The following EYS variants were observed in gnomAD, a reference collection of about 807,000 sequenced individuals.
The protein encoded by EYS is EGF-like photoreceptor maintenance factor.
Under a neutral mutation model 282.1 loss-of-function variants are expected in EYS, and 250 were observed. That is an observed-to-expected ratio of 0.89 (90% confidence interval 0.80 to 0.98). EYS has a LOEUF of 0.98. Ranked by LOEUF, EYS falls within the 50% of genes least tolerant of loss-of-function variation. EYS has a pLI of 0.00. For synonymous variants in EYS, 1,355 were observed against 1,282.9 expected (o/e 1.06, Z -1.20); for missense variants, 4,016 against 3,709.0 (o/e 1.08, Z -2.15).
chr6:63,831,691 G>A (rs1771643280), intron 36 of EYS, among the ~76,000 whole-genome samples: 1 of 152,126 alleles, frequency 6.6e-6, no homozygotes, highest in South Asian at 2.1e-4. Context: ...TCCAGGTATT[G>A]AACTCAGCTC....
Position 63,844,866 on chromosome 6 carries a change from A to G in EYS, c.7228+19320T>C, listed in dbSNP as rs563667740. ...TGTGCAGAAGCTGTTTAATGTAATTATGTCCCATTTGTCAATTTTTGCTTT... is the reference window on the plus strand; with the variant it reads ...TGTGCAGAAGCTGTTTAATGTAATTGTGTCCCATTTGTCAATTTTTGCTTT... On this transcript the variant is annotated intron_variant, in intron 36 of 42. Coordinates refer to ENST00000503581, the MANE Select transcript of EYS (RefSeq NM_001142800.2). 5.9e-5 allele frequency among the ~76,000 whole-genome samples: 9 copies of G among 152,226 alleles called. No individual in the cohort carries two copies. The South Asian group carries it at 1.5e-3, about 25-fold the overall frequency.
At chr6:65,403,420 T>C (rs1374262400) in intron 6 of EYS, among the ~76,000 whole-genome samples, 1 of 150,434 alleles carries the variant, frequency 6.6e-6, no homozygotes, top group Non-Finnish European at 1.5e-5. Context: ...TCATCATCAT[T>C]ACCATCATTT....
chr6:64,510,520 A>C (rs1225691317), intron 26 of EYS, among the ~76,000 whole-genome samples: 1 of 151,942 alleles, frequency 6.6e-6, no homozygotes, highest in Non-Finnish European at 1.5e-5. Context: ...AATACTTAAA[A>C]ATGCAGACTT....
chr6:65,433,988 A>T (rs1767972149), intron 5 of EYS, among the ~76,000 whole-genome samples: 1 of 152,194 alleles, frequency 6.6e-6, no homozygotes, highest in African/African-American at 2.4e-5. Flanking sequence ...CATCAGTCAC[A>T]GCTCTTCCTA....
At chr6:65,059,290 C>T (rs963469895) in intron 12 of EYS, among the ~76,000 whole-genome samples, 3 of 151,682 alleles carry the variant, frequency 2.0e-5, no homozygotes, top group Non-Finnish European at 2.9e-5. Context: ...GGAGAGAAGC[C>T]AAAAATCAGT....
chr6:64,921,216 TA>T (rs1768337640), intron 15 of EYS, among the ~76,000 whole-genome samples: 1 of 152,166 alleles, frequency 6.6e-6, no homozygotes, highest in South Asian at 2.1e-4. Flanking sequence ...AAATGTAACA[TA>T]AATTCAGTTA....
At chr6:63,793,486 T>C (rs1289437616) in intron 37 of EYS, among the ~76,000 whole-genome samples, 1 of 152,226 alleles carries the variant, frequency 6.6e-6, no homozygotes, top group Admixed American at 6.5e-5. Flanking sequence ...TTAAATACTT[T>C]TCTATTTGCC....
intron 28 of EYS, among the ~76,000 whole-genome samples, chr6:64,395,794 G>GA (rs565089475): frequency 2.5e-4 from 36 of 145,306 alleles, no homozygotes; most frequent in East Asian, 1.2e-3. Context: ...TAAAAAAAAA[G>GA]AAAAAAAAAC....
intron 11 of EYS, among the ~76,000 whole-genome samples, chr6:65,300,585 T>G (rs541129182): frequency 4.6e-5 from 7 of 152,144 alleles, no homozygotes; most frequent in Non-Finnish European, 1.0e-4. Context: ...ATTTCCTAAC[T>G]TACATGGTTA....
At chr6:64,708,750 C>G (rs565373270) in intron 22 of EYS, among the ~76,000 whole-genome samples, 6 of 152,250 alleles carry the variant, frequency 3.9e-5, no homozygotes, top group Admixed American at 1.3e-4. Flanking sequence ...ATAGCATCTA[C>G]AAGGACTGTC....
At chr6:65,005,302 T>G (rs1377640939) in intron 13 of EYS, among the ~76,000 whole-genome samples, 1 of 147,906 alleles carries the variant, frequency 6.8e-6, no homozygotes, top group Non-Finnish European at 1.5e-5. Flanking sequence ...CGCTAGTCAC[T>G]GGGTTCCACG....
intron 35 of EYS, among the ~76,000 whole-genome samples, chr6:63,871,969 C>A (rs552215417): frequency 2.0e-5 from 3 of 152,170 alleles, no homozygotes; most frequent in Admixed American, 1.3e-4. Flanking sequence ...AGCCCATGAC[C>A]CACCCAACTT....
chr6:65,701,723 T>A (rs1489543794), intron 1 of EYS, among the ~76,000 whole-genome samples: 2 of 152,200 alleles, frequency 1.3e-5, no homozygotes. Flanking sequence ...ATTCACAATC[T>A]TTGTTGTCTA....
intron 5 of EYS, among the ~76,000 whole-genome samples, chr6:65,471,514 G>T (rs1459883433): frequency 6.6e-6 from 1 of 152,156 alleles, no homozygotes; most frequent in African/African-American, 2.4e-5. Flanking sequence ...ATGATTTTCA[G>T]ATCTTGGACA....
chr6:65,609,717 T>C, intron 2 of EYS, among the ~76,000 whole-genome samples: 1 of 152,160 alleles, frequency 6.6e-6, no homozygotes, highest in East Asian at 1.9e-4. Context: ...AAAAGTTCTT[T>C]AAACAATCAG....
intron 33 of EYS, among the ~76,000 whole-genome samples, chr6:64,021,074 C>T (rs560116059): frequency 3.9e-5 from 6 of 152,038 alleles, no homozygotes; most frequent in Non-Finnish European, 8.8e-5. Flanking sequence ...TACCCAAAAG[C>T]ATTTTCTTAA....
intron 29 of EYS, among the ~76,000 whole-genome samples, chr6:64,360,131 G>A (rs772132103): frequency 5.3e-5 from 8 of 151,672 alleles, no homozygotes; most frequent in African/African-American, 1.2e-4. Flanking sequence ...ACACGTTTAC[G>A]TTCTCTTAGC....
rs949921061 is a variant in EYS at position 65,144,870 on chromosome 6, T to C, written c.2024-87143A>G. On this transcript the variant is annotated intron_variant, in intron 12 of 42. Coordinates refer to ENST00000503581, the MANE Select transcript of EYS (RefSeq NM_001142800.2). ...ACCTCCGCCTCCCAGGTTCAAGCGA[T>C]TCTCCTGCCTCAGCCTCCCAAGTAA... is the stretch of plus-strand genomic sequence containing the variant. Among the ~76,000 whole-genome samples, 14 of 151,900 alleles carry C rather than the reference T, an allele frequency of 9.2e-5. 1 individual carries two copies. The South Asian group carries it at 2.9e-3, about 32-fold the overall frequency.
intron 19 of EYS, among the ~76,000 whole-genome samples, chr6:64,849,198 A>G (rs1765807650): frequency 1.3e-5 from 2 of 151,970 alleles, no homozygotes; most frequent in Non-Finnish European, 2.9e-5. Flanking sequence ...TGTAGCCAAT[A>G]CAATACTAGC....
Sources: allele counts gnomAD v4.1 joint callset (sites outside exome capture counted in the v4.1 genomes callset), GRCh38; gene constraint gnomAD v4.1.1; transcripts MANE v1.5; gene names NCBI Gene and HGNC (gene_info 2026-07-23, HGNC 2026-07-21).